The following MLLT1 variants were observed in gnomAD, a reference collection of about 807,000 sequenced individuals.
MLLT1 encodes MLLT1 super elongation complex subunit.
A neutral mutation model predicts 55.1 loss-of-function variants in MLLT1; 11 were observed. The observed-to-expected ratio is 0.20, with a 90% CI of 0.13 to 0.33. The LOEUF is 0.33. Among genes scored for constraint, MLLT1 ranks in the 10% least tolerant of loss-of-function variants. The pLI is 1.00. For missense variants in MLLT1, 536 were observed against 760.6 expected, an observed-to-expected ratio of 0.70 and a Z score of 3.47; for synonymous variants, 323 against 320.1, an observed-to-expected ratio of 1.01 and a Z score of -0.10.
chr19:6,272,398 T>C (rs1309896002), intron 1 of MLLT1, among the ~76,000 whole-genome samples: 3 of 152,076 alleles, frequency 2.0e-5, no homozygotes, highest in Non-Finnish European at 1.5e-5. Context: ...AGCCACCCTA[T>C]CTCTCTTCAT....
chr19:6,237,110 G>A (rs1312573550), intron 3 of MLLT1, among the ~76,000 whole-genome samples: 1 of 152,244 alleles, frequency 6.6e-6, no homozygotes, highest in African/African-American at 2.4e-5. Flanking sequence ...AGCCCGCCAC[G>A]CCTGCTGGTG....
At chr19:6,272,609 C>T (rs1265321912) in intron 1 of MLLT1, among the ~76,000 whole-genome samples, 1 of 152,206 alleles carries the variant, frequency 6.6e-6, no homozygotes, top group Non-Finnish European at 1.5e-5. Flanking sequence ...CTGACGCAGC[C>T]CCCAGGGCCC....
chr19:6,248,216 A>G (rs1156974761), intron 3 of MLLT1, among the ~76,000 whole-genome samples: 3 of 152,058 alleles, frequency 2.0e-5, no homozygotes, highest in Non-Finnish European at 4.4e-5. Context: ...TTTATTTTGG[A>G]TTTCTGGATT....
Position 6,211,787 on chromosome 19 carries a change from C to A in MLLT1, c.*1255G>T. On this transcript the variant is annotated 3_prime_UTR_variant, in exon 12 of 12. Transcript: ENST00000252674. The surrounding 1 kb of genome is among the most constrained non-coding windows in gnomAD (Gnocchi z 4.6). ...GGCTGGCTCCGCGGGAGCGTCCTGG[C>A]CCTGGAAGAGTGGGCCGGGAAGGAG... 1 of 1,064,192 alleles carries A rather than the reference C, an allele frequency of 9.4e-7. No homozygotes were observed. Among genetic ancestry groups the A allele is most frequent in the Non-Finnish European group, 1.1e-6 (1 of 878,522 alleles). The allele number at this position is 1,064,192 out of a possible 1,614,324, so 65.9% of individuals were successfully genotyped here. A position where few individuals can be genotyped will look rare whatever the true frequency, so the allele number is the denominator to read the frequency against.
rs1442875139 is a variant in MLLT1, at chr19:6,228,171, C to A, written c.421-1069G>T. Among the ~76,000 whole-genome samples the A allele has an allele frequency of 3.9e-5, 6 of 152,284 alleles. No homozygotes were observed. The South Asian group carries it at 1.2e-3, about 32-fold the overall frequency. On this transcript the variant is annotated intron_variant, in intron 4 of 11. Coordinates refer to ENST00000252674, the MANE Select transcript of MLLT1 (RefSeq NM_005934.4). ...CCCAGCCGTCCCTGAAAACACGCCA[C>A]GGGAGGCCCTCCACACTCTGGAGCA...
chr19:6,237,521 G>T (rs1327695099), intron 3 of MLLT1, among the ~76,000 whole-genome samples: 1 of 151,764 alleles, frequency 6.6e-6, no homozygotes, highest in Admixed American at 6.6e-5. Context: ...ACTTTGGGAG[G>T]CCGAGGCAGG....
Position 6,262,652 on chromosome 19 carries a change from G to A in MLLT1, c.194-342C>T, listed in dbSNP as rs1351995708. The stretch of plus-strand genomic sequence containing the variant: ...AGGCTGCACAAGTTTGCCCGACTCA[G>A]GTGGATGTCGGTAAGCGTGACCTGG... On this transcript the variant is annotated intron_variant, in intron 2 of 11. Transcript: ENST00000252674. This position sits in a 1 kb window ranked among gnomAD's most constrained non-coding sequence, Gnocchi z 4.4. Among the ~76,000 whole-genome samples the A allele has an allele frequency of 6.6e-6, 1 of 152,148 alleles. No individual in the cohort carries two copies. The highest frequency in any genetic ancestry group is 1.9e-4 in the East Asian group (1 of 5,184).
At chr19:6,238,596 C>T (rs2091084618) in intron 3 of MLLT1, among the ~76,000 whole-genome samples, 1 of 152,242 alleles carries the variant, frequency 6.6e-6, no homozygotes, top group East Asian at 1.9e-4. Flanking sequence ...GCTTGGCCCC[C>T]AGCCTGCCTC....
chr19:6,278,325 G>A (rs550924090), intron 1 of MLLT1, among the ~76,000 whole-genome samples: 2 of 152,332 alleles, frequency 1.3e-5, no homozygotes, highest in East Asian at 1.9e-4. Flanking sequence ...TTGGAGAAGA[G>A]GCAGCGCAGA....
In MLLT1 at chr19:6,216,462, T is replaced by C. The variant is rs759561131; in HGVS notation, c.1250A>G (p.Asp417Gly). The C allele has an allele frequency of 6.2e-7, 1 of 1,609,030 alleles. No homozygotes were observed. The part of the protein sequence containing the change: ...EDLQSEESDE[D>G]DSSSGEEAAG... ...AGCCTCCTCGCCTGACGAAGAGTCG[T>C]CCTCGTCGGACTCCTCGGACTGCAG... The change falls in exon 8 of 12, where the codon GAC becomes GGC. Residue 417 changes from aspartate (D) to glycine (G), a missense_variant. Asp to Gly is a moderately conservative substitution (Grantham distance 94). Coordinates refer to ENST00000252674, the MANE Select transcript of MLLT1 (RefSeq NM_005934.4).
intron 3 of MLLT1, among the ~76,000 whole-genome samples, chr19:6,250,213 A>T (rs2091201332): frequency 1.3e-5 from 2 of 152,182 alleles, no homozygotes; most frequent in African/African-American, 4.8e-5. Flanking sequence ...TACAAATACC[A>T]TTTCACACCC....
At chr19:6,261,065 C>T (rs904245168) in intron 3 of MLLT1, among the ~76,000 whole-genome samples, 1 of 152,188 alleles carries the variant, frequency 6.6e-6, no homozygotes, top group Non-Finnish European at 1.5e-5. Context: ...TTCTCATTCC[C>T]CTTCCATACG....
intron 7 of MLLT1, 133 bp downstream of exon 7, chr19:6,217,820 CA>C (rs1249985663): frequency 1.0e-5 from 13 of 1,304,250 alleles, no homozygotes; most frequent in Non-Finnish European, 1.2e-5. Context: ...TCCCCCAGGC[CA>C]CCAAAACCCT....
chr19:6,245,776 G>A (rs1168009491), intron 3 of MLLT1, among the ~76,000 whole-genome samples: 2 of 152,166 alleles, frequency 1.3e-5, no homozygotes, highest in African/African-American at 2.4e-5. Context: ...GCATGCACCT[G>A]TAGTCCCAGC....
In MLLT1 at chr19:6,211,605, C is replaced by G; in HGVS notation, c.*1437G>C. 1 of 1,065,326 alleles carries G rather than the reference C, an allele frequency of 9.4e-7. No individual in the cohort carries two copies. The highest frequency in any genetic ancestry group is 1.1e-6 in the Non-Finnish European group (1 of 879,176). 66.0% of individuals were successfully genotyped at this position (1,065,326 alleles called of 1,614,324 possible). The stretch of plus-strand genomic sequence containing the variant: ...GGGGGTGCGAGCCCACCTCCAGGCC[C>G]TCAGCCCTCTTTTCCTCATAACTTG... On this transcript the variant is annotated 3_prime_UTR_variant, in exon 12 of 12. Transcript: ENST00000252674. This position sits in a 1 kb window ranked among gnomAD's most constrained non-coding sequence, Gnocchi z 4.6.
chr19:6,264,626 C>T (rs2091331526), intron 2 of MLLT1, among the ~76,000 whole-genome samples: 1 of 151,976 alleles, frequency 6.6e-6, no homozygotes, highest in Non-Finnish European at 1.5e-5. Flanking sequence ...AAATTACAGC[C>T]AGGCACCACA....
rs2090990142 is a variant in MLLT1, at chr19:6,229,750, C to A, written c.420+820G>T. Among the ~76,000 whole-genome samples, 1 of 151,610 alleles carries A rather than the reference C, an allele frequency of 6.6e-6. No individual in the cohort carries two copies. The highest frequency in any genetic ancestry group is 2.4e-5 in the African/African-American group (1 of 41,230). Reference sequence around the variant, plus strand: ...CCACACATGCCACACACTGTACATGCCACACCCCACACATACACACGACAC... The same window carrying A: ...CCACACATGCCACACACTGTACATGACACACCCCACACATACACACGACAC... On this transcript the variant is annotated intron_variant, in intron 4 of 11. Transcript: ENST00000252674. The surrounding 1 kb of genome is among the most constrained non-coding windows in gnomAD (Gnocchi z 5.2).
At chr19:6,277,731 C>T (rs2091434810) in intron 1 of MLLT1, among the ~76,000 whole-genome samples, 1 of 152,168 alleles carries the variant, frequency 6.6e-6, no homozygotes, top group Non-Finnish European at 1.5e-5. Context: ...CCCCCAGGGA[C>T]TAAGGAAGGA....
intron 3 of MLLT1, among the ~76,000 whole-genome samples, chr19:6,233,013 G>C (rs1459233747): frequency 2.6e-5 from 4 of 152,174 alleles, no homozygotes. Flanking sequence ...CAGAGCTCTG[G>C]GCCCGGCGTC....
Sources: gnomAD v4.1 joint callset for allele counts (sites outside exome capture counted in the v4.1 genomes callset) on GRCh38, gnomAD v4.1.1 for gene constraint, Gnocchi (gnomAD v3.1) non-coding constraint, MANE v1.5 for transcripts, NCBI Gene and HGNC (gene_info 2026-07-23, HGNC 2026-07-21) for gene names.